The following CEP164 variants were observed in gnomAD, a reference collection of about 807,000 sequenced individuals.
CEP164 encodes centrosomal protein 164, also known as centrosomal protein of 164 kDa.
CEP164 carries 162 observed loss-of-function variants against 182.7 expected under a neutral mutation model. The ratio of observed to expected loss-of-function variants is 0.89; its 90% confidence interval spans 0.78 to 1.01. CEP164 has a LOEUF of 1.01. Ranked by LOEUF, CEP164 falls within the 50% of genes least tolerant of loss-of-function variation. The probability of loss-of-function intolerance (pLI) is 0.00; values close to 1 mark genes in which losing one functional copy is unlikely to be tolerated. For missense variants in CEP164, 1,735 were observed against 1,790.4 expected, an observed-to-expected ratio of 0.97 and a Z score of 0.56; for synonymous variants, 661 against 690.0, an observed-to-expected ratio of 0.96 and a Z score of 0.66.
intron 1 of CEP164, among the ~76,000 whole-genome samples, chr11:117,333,084 C>T (rs1359189634): frequency 6.6e-6 from 1 of 152,208 alleles, no homozygotes; most frequent in African/African-American, 2.4e-5. Context: ...GTTATCATAG[C>T]TCACTGTAGC....
chr11:117,343,335 CT>C (rs2038390370), intron 3 of CEP164, among the ~76,000 whole-genome samples: 1 of 152,248 alleles, frequency 6.6e-6, no homozygotes, highest in South Asian at 2.1e-4. Flanking sequence ...TCACTGCCTT[CT>C]CTCTGCTCCC....
intron 8 of CEP164, among the ~76,000 whole-genome samples, chr11:117,365,864 G>A (rs938247733): frequency 8.5e-5 from 13 of 152,182 alleles, no homozygotes; most frequent in Non-Finnish European, 1.2e-4. Flanking sequence ...ACAGGTGTGA[G>A]CCATCGTGCC....
At chr11:117,391,593 A>C (rs917593057) in intron 17 of CEP164, among the ~76,000 whole-genome samples, 2 of 152,076 alleles carry the variant, frequency 1.3e-5, no homozygotes, top group African/African-American at 4.8e-5. Flanking sequence ...AGAGGTTTTG[A>C]GACAAAGGCG....
chr11:117,356,373 C>G, intron 5 of CEP164: 1 of 1,179,378 alleles, frequency 8.5e-7, no homozygotes, highest in Non-Finnish European at 1.1e-6. Context: ...GCTGAGTCTT[C>G]TAGGATGTCT....
intron 4 of CEP164, among the ~76,000 whole-genome samples, chr11:117,345,144 G>A (rs2038704730): frequency 6.6e-6 from 1 of 152,036 alleles, no homozygotes; most frequent in South Asian, 2.1e-4. Context: ...TTTCAATTTT[G>A]GCTAGAGCTC....
chr11:117,354,885 G>T (rs1187434398), intron 5 of CEP164: 1 of 1,218,210 alleles, frequency 8.2e-7, no homozygotes, highest in Admixed American at 3.0e-5. Context: ...GTGTAAATCA[G>T]AAGTGCTTTG....
chr11:117,328,796 T>C (rs2035732605), intron 1 of CEP164, among the ~76,000 whole-genome samples: 1 of 152,220 alleles, frequency 6.6e-6, no homozygotes, highest in Admixed American at 6.5e-5. Context: ...CCCTGTCTTC[T>C]AGGCAGTGTA....
chr11:117,400,345 A>G (rs2045987565), intron 27 of CEP164, among the ~76,000 whole-genome samples: 1 of 152,094 alleles, frequency 6.6e-6, no homozygotes, highest in South Asian at 2.1e-4. Flanking sequence ...ATTGGCTTAT[A>G]TATCTGTTTT....
At position 117,411,224 on chromosome 11, in the gene CEP164, C is replaced by G; in HGVS notation, c.4163+330C>G. ...GCCCCCGCCCCTCCCTCTAGCCCCTCCAGCCCCGGAGTCTGGCCTTTGTCT... is the reference window on the plus strand; with the variant it reads ...GCCCCCGCCCCTCCCTCTAGCCCCTGCAGCCCCGGAGTCTGGCCTTTGTCT... On this transcript the variant is annotated intron_variant, in intron 31 of 32. Transcript: ENST00000278935. The surrounding 1 kb of genome is among the most constrained non-coding windows in gnomAD (Gnocchi z 4.4). The G allele has an allele frequency of 3.0e-6, 1 of 329,996 alleles. No individual in the cohort carries two copies. The highest frequency in any genetic ancestry group is 4.6e-5 in the South Asian group (1 of 21,762). The allele number at this position is 329,996 out of a possible 1,614,324, so 20.4% of individuals were successfully genotyped here.
At chr11:117,388,926 T>C (rs768881754) in intron 15 of CEP164, among the ~76,000 whole-genome samples, 1 of 151,474 alleles carries the variant, frequency 6.6e-6, no homozygotes, top group Non-Finnish European at 1.5e-5. Context: ...CCACCATGCC[T>C]GGCTAATTTT....
intron 30 of CEP164, chr11:117,410,430 A>G: frequency 3.5e-6 from 1 of 282,208 alleles, no homozygotes; most frequent in Non-Finnish European, 6.7e-6. Flanking sequence ...TTTAAGTAGT[A>G]TGCTCCAGGG....
chr11:117,344,116 T>A, intron 3 of CEP164, 50 bp from the exon 4 acceptor site: 1 of 1,071,274 alleles, frequency 9.3e-7, no homozygotes, highest in Non-Finnish European at 1.4e-6. Context: ...TTGTGAGTTT[T>A]TTTCTTCTTT....
Position 117,409,739 on chromosome 11 carries a change from G to A in CEP164, c.3870G>A (p.Pro1290=), listed in dbSNP as rs371367995. 25 of 1,613,762 alleles carry A rather than the reference G, an allele frequency of 1.5e-5. No individual in the cohort carries two copies. The highest frequency in any genetic ancestry group is 1.6e-4 in the Middle Eastern group (1 of 6,084). ...SILDSLNPQS[P]PPLLASMPAQ... is the part of the protein sequence containing the mutation. ...TGGACAGCCTCAACCCTCAGTCGCC[G>A]CCGCCGCTCCTCGCCTCCATGCCAG... Residue 1290 remains proline (P), a synonymous_variant, in exon 30 of 33, where the codon CCG becomes CCA. Coordinates refer to ENST00000278935, the MANE Select transcript of CEP164 (RefSeq NM_014956.5). This position sits in a 1 kb window ranked among gnomAD's most constrained non-coding sequence, Gnocchi z 4.4.
intron 1 of CEP164, among the ~76,000 whole-genome samples, chr11:117,330,379 G>A (rs925679960): frequency 9.9e-5 from 15 of 152,260 alleles, no homozygotes; most frequent in East Asian, 3.9e-4. Context: ...ATTACTTGGC[G>A]CGGTGACTCA....
intron 9 of CEP164, among the ~76,000 whole-genome samples, chr11:117,371,982 A>G (rs2042245112): frequency 6.6e-6 from 1 of 151,948 alleles, no homozygotes; most frequent in Non-Finnish European, 1.5e-5. Context: ...TTGAGACCAC[A>G]GGCATATGTC....
chr11:117,375,944 A>G (rs562579120), intron 11 of CEP164, among the ~76,000 whole-genome samples, 153 bp downstream of exon 11: 1 of 152,262 alleles, frequency 6.6e-6, no homozygotes, highest in East Asian at 1.9e-4. Context: ...ACTGCCTTTC[A>G]CGGGGCTTCT....
chr11:117,386,017 C>T (rs1480149336), intron 14 of CEP164: 1 of 152,176 alleles, frequency 6.6e-6, no homozygotes, highest in African/African-American at 2.4e-5. Flanking sequence ...TGCAGCGGGG[C>T]TCGAGCTGGA....
intron 1 of CEP164, among the ~76,000 whole-genome samples, chr11:117,329,922 T>A (rs1261791): frequency 0.098 from 14,385 of 146,676 alleles, 1,010 homozygotes; most frequent in African/African-American, 0.2. Flanking sequence ...TTTTGCTGAG[T>A]GGATGAAGTG....
rs556790645 is a variant in CEP164, at chr11:117,407,117, G to A, written c.3502-808G>A. On this transcript the variant is annotated intron_variant, in intron 27 of 32. Transcript: ENST00000278935. ...ATTTCAAAAAAAGAGAAAAGAAATG[G>A]TGTTTCTGATGGTGTTCAGAACTGG... Among the ~76,000 whole-genome samples the A allele has an allele frequency of 5.3e-5, 8 of 152,158 alleles. No individual in the cohort carries two copies. The South Asian group carries it at 6.2e-4, about 12-fold the overall frequency.
Sources: allele counts gnomAD v4.1 joint callset (sites outside exome capture counted in the v4.1 genomes callset), GRCh38; gene constraint gnomAD v4.1.1; non-coding constraint Gnocchi (gnomAD v3.1); transcripts MANE v1.5; gene names NCBI Gene and HGNC (gene_info 2026-07-23, HGNC 2026-07-21).